FRMD4B: variants seen among roughly 807,000 people sequenced by gnomAD.
The protein encoded by FRMD4B is FERM domain containing 4B, also known as FERM domain-containing protein 4B.
FRMD4B carries 74 observed loss-of-function variants against 141.5 expected under a neutral mutation model. That is an observed-to-expected ratio of 0.52 (90% CI 0.43 to 0.63). FRMD4B has a LOEUF of 0.63. Ranked by LOEUF, FRMD4B falls within the 30% of genes least tolerant of loss-of-function variation. The pLI, the probability that FRMD4B is intolerant of heterozygous loss-of-function variation, is 0.00. For missense variants in FRMD4B, 1,366 were observed against 1,253.4 expected (o/e 1.09, Z -1.36); for synonymous variants, 506 against 467.9 (o/e 1.08, Z -1.05).
intron 1 of FRMD4B, among the ~76,000 whole-genome samples, chr3:69,378,446 A>C (rs2106668244): frequency 6.6e-6 from 1 of 152,322 alleles, no homozygotes; most frequent in Non-Finnish European, 1.5e-5. Flanking sequence ...GACAGTAATC[A>C]ACCAAGCTTC....
intron 17 of FRMD4B, among the ~76,000 whole-genome samples, chr3:69,192,308 C>T (rs1206244389): frequency 2.0e-5 from 3 of 151,898 alleles, no homozygotes; most frequent in South Asian, 2.1e-4. Context: ...CCCAGGAAGT[C>T]GAGGCTGCAG....
At chr3:69,335,119 G>A (rs1160365403) in intron 1 of FRMD4B, among the ~76,000 whole-genome samples, 3 of 152,136 alleles carry the variant, frequency 2.0e-5, no homozygotes, top group South Asian at 4.1e-4. Context: ...CCTGAGCTAT[G>A]AGCTATGGTC....
chr3:69,524,900 A>T (rs1266464460), intron 1 of FRMD4B, among the ~76,000 whole-genome samples: 2 of 152,188 alleles, frequency 1.3e-5, no homozygotes, highest in Non-Finnish European at 2.9e-5. Context: ...TGGGAGAGGA[A>T]ATGGATTTGG....
intron 1 of FRMD4B, among the ~76,000 whole-genome samples, chr3:69,317,350 G>T (rs1323142920): frequency 1.3e-5 from 2 of 152,128 alleles, no homozygotes; most frequent in Non-Finnish European, 2.9e-5. Context: ...TCTGGAATTG[G>T]GTCTGAGAGG....
intron 1 of FRMD4B, among the ~76,000 whole-genome samples, chr3:69,468,507 T>C (rs968209701): frequency 3.9e-5 from 6 of 152,136 alleles, no homozygotes; most frequent in African/African-American, 1.4e-4. Flanking sequence ...TTCATTCCCC[T>C]GGTCAGTAAC....
At chr3:69,264,441 G>A (rs2093548010) in intron 5 of FRMD4B, among the ~76,000 whole-genome samples, 1 of 152,018 alleles carries the variant, frequency 6.6e-6, no homozygotes, top group Non-Finnish European at 1.5e-5. Context: ...TTTTAAAAAG[G>A]GAATGCTTCT....
intron 1 of FRMD4B, among the ~76,000 whole-genome samples, chr3:69,515,830 A>G (rs1359974149): frequency 6.6e-6 from 1 of 152,226 alleles, no homozygotes; most frequent in Non-Finnish European, 1.5e-5. Context: ...ATTAGAAGCA[A>G]TGCTGGTTAA....
At chr3:69,235,150 AAATAATAATAAT>A (rs55995422) in intron 7 of FRMD4B, among the ~76,000 whole-genome samples, 2,025 of 134,100 alleles carry the variant, frequency 0.015, 30 homozygotes, top group African/African-American at 0.039. Flanking sequence ...ACCCTGTCTC[AAATAATAATAAT>A]AATAATAATA....
chr3:69,236,159 C>T (rs1382203905), intron 7 of FRMD4B, among the ~76,000 whole-genome samples: 1 of 152,014 alleles, frequency 6.6e-6, no homozygotes, highest in Non-Finnish European at 1.5e-5. Context: ...AAACAAAAAC[C>T]ATAGCCTAGT....
At chr3:69,456,611 C>T (rs1213322590) in intron 1 of FRMD4B, among the ~76,000 whole-genome samples, 1 of 151,962 alleles carries the variant, frequency 6.6e-6, no homozygotes. Flanking sequence ...TCCAGGAAAG[C>T]AGGGTCCTTG....
At chr3:69,352,353 G>T (rs1013990681) in intron 1 of FRMD4B, among the ~76,000 whole-genome samples, 3 of 152,138 alleles carry the variant, frequency 2.0e-5, no homozygotes, top group Non-Finnish European at 4.4e-5. Flanking sequence ...TAGAGACAAT[G>T]GACTCATTTC....
chr3:69,240,822 G>A (rs189748282), intron 7 of FRMD4B, among the ~76,000 whole-genome samples: 5 of 152,300 alleles, frequency 3.3e-5, no homozygotes, highest in East Asian at 1.9e-4. Flanking sequence ...GCTTATCAGC[G>A]GGGGAATGTA....
chr3:69,504,187 CAG>C lies in FRMD4B; in HGVS notation c.-129+38017_-129+38018del, dbSNP rs199650889. Among the ~76,000 whole-genome samples, 2 of 152,222 alleles carry C rather than the reference CAG, an allele frequency of 1.3e-5. 1 individual carries two copies. Among genetic ancestry groups the C allele is most frequent in the East Asian group, 3.9e-4 (2 of 5,178 alleles). ...TCTGTGGTGGGTCTCTTTTTAATGG[CAG>C]TAAAGTATAACATCTTATAGGCTCA... On this transcript the variant is annotated intron_variant, in intron 1 of 5. Transcript: ENST00000459638.
chr3:69,276,472 C>A (rs1312264999), intron 5 of FRMD4B, among the ~76,000 whole-genome samples: 1 of 152,092 alleles, frequency 6.6e-6, no homozygotes, highest in Non-Finnish European at 1.5e-5. Flanking sequence ...CAGGGTTTCA[C>A]CATGTTGCCC....
chr3:69,468,184 T>C (rs968994688), intron 1 of FRMD4B, among the ~76,000 whole-genome samples: 1 of 152,020 alleles, frequency 6.6e-6, no homozygotes, highest in Non-Finnish European at 1.5e-5. Flanking sequence ...TACAGGTCAT[T>C]TCAGATATAT....
intron 11 of FRMD4B, among the ~76,000 whole-genome samples, chr3:69,206,349 C>CA (rs748008773): frequency 6.6e-6 from 1 of 151,832 alleles, no homozygotes; most frequent in South Asian, 2.1e-4. Context: ...CACTCCATCT[C>CA]AAAAAAACAA....
chr3:69,398,071 A>T (rs984650717), intron 2 of FRMD4B, among the ~76,000 whole-genome samples: 1 of 152,180 alleles, frequency 6.6e-6, no homozygotes, highest in African/African-American at 2.4e-5. Flanking sequence ...AGCAGAAAAA[A>T]ATACTGTACA....
intron 7 of FRMD4B, among the ~76,000 whole-genome samples, chr3:69,247,553 C>A (rs1471625276): frequency 3.9e-5 from 6 of 152,214 alleles, no homozygotes; most frequent in African/African-American, 7.2e-5. Context: ...GTGGCGCGAT[C>A]TTGGCTCACT....
intron 1 of FRMD4B, among the ~76,000 whole-genome samples, chr3:69,362,313 G>T (rs914045205): frequency 6.6e-6 from 1 of 152,152 alleles, no homozygotes; most frequent in African/African-American, 2.4e-5. Context: ...AGCAGATGAA[G>T]GCTTTGAACC....
Sources: allele counts gnomAD v4.1 joint callset (sites outside exome capture counted in the v4.1 genomes callset), GRCh38; gene constraint gnomAD v4.1.1; transcripts MANE v1.5; gene names NCBI Gene and HGNC (gene_info 2026-07-23, HGNC 2026-07-21).